CASR: variants seen among roughly 807,000 people sequenced by gnomAD.
The protein encoded by CASR is extracellular calcium-sensing receptor.
A neutral mutation model predicts 69.1 loss-of-function variants in CASR; 23 were observed. The ratio of observed to expected loss-of-function variants is 0.33; its 90% CI spans 0.24 to 0.47. The LOEUF is 0.47. CASR is among the 20% of genes least tolerant of loss of function. The probability of loss-of-function intolerance (pLI) is 1.00; values close to 1 mark genes in which losing one functional copy is unlikely to be tolerated. For synonymous variants in CASR, 541 were observed against 544.7 expected, an observed-to-expected ratio of 0.99 and a Z score of 0.10; for missense variants, 924 against 1,356.1, an observed-to-expected ratio of 0.68 and a Z score of 5.00.
chr3:122,252,459 G>GAAAAAAAAGAA (rs1423080314), intron 1 of CASR, among the ~76,000 whole-genome samples: 2 of 62,288 alleles, frequency 3.2e-5, no homozygotes, highest in African/African-American at 1.4e-4. Flanking sequence ...AAAAAGAAAA[G>GAAAAAAAAGAA]AAAGAAAAGA....
At position 122,283,699 on chromosome 3, in the gene CASR, G is replaced by A. The variant is rs104893690; in HGVS notation, c.1745G>A (p.Cys582Tyr). ...EYSDETDASA[C>Y]NKCPDDFWSN... ...GGACATTTTACAGATGCCAGTGCCT[G>A]TAACAAGTGCCCAGATGACTTCTGG... Residue 582 changes from cysteine (C) to tyrosine (Y), a missense_variant, in exon 7 of 7, where the codon TGT becomes TAT. Physicochemically the swap from Cys to Tyr is radical, Grantham distance 194. Around this residue, in one of 8 missense-constraint regions of CASR, gnomAD observed 18 missense variants for 57.9 expected, o/e 0.31. Coordinates refer to ENST00000639785, the MANE Select transcript of CASR (RefSeq NM_000388.4). 6.2e-7 allele frequency: 1 copy of A among 1,613,976 alleles called. No homozygotes were observed. The highest frequency in any genetic ancestry group is 8.5e-7 in the Non-Finnish European group (1 of 1,179,872).
At chr3:122,257,467 A>G in intron 3 of CASR, 80 bp downstream of exon 3, 1 of 995,930 alleles carries the variant, frequency 1.0e-6, no homozygotes, top group Non-Finnish European at 1.6e-6. Flanking sequence ...CAATAGCCAT[A>G]CGGTTTACCA....
At chr3:122,194,376 C>T (rs1005785275) in intron 1 of CASR, among the ~76,000 whole-genome samples, 1 of 152,058 alleles carries the variant, frequency 6.6e-6, no homozygotes, top group Non-Finnish European at 1.5e-5. Context: ...ATCTCTGGGT[C>T]CCCCTTGGAA....
At chr3:122,242,963 A>G (rs932735140) in intron 1 of CASR, among the ~76,000 whole-genome samples, 1 of 152,114 alleles carries the variant, frequency 6.6e-6, no homozygotes, top group Admixed American at 6.5e-5. Context: ...AGAAAATTGG[A>G]TATCCAAATG....
chr3:122,184,783 A>G (rs1248418807), intron 1 of CASR, among the ~76,000 whole-genome samples: 1 of 152,226 alleles, frequency 6.6e-6, no homozygotes, highest in South Asian at 2.1e-4. Context: ...AATGAACGGG[A>G]GCGCGCACCA....
chr3:122,267,205 C>T (rs974249011), intron 4 of CASR, among the ~76,000 whole-genome samples: 3 of 152,178 alleles, frequency 2.0e-5, no homozygotes, highest in South Asian at 4.1e-4. Context: ...GAAAATAAAA[C>T]GCCCAAATGC....
At chr3:122,228,221 T>C (rs546104552) in intron 1 of CASR, among the ~76,000 whole-genome samples, 2 of 152,358 alleles carry the variant, frequency 1.3e-5, no homozygotes, top group African/African-American at 4.8e-5. Context: ...TAATCTTTTC[T>C]TGGTCTAATA....
At chr3:122,251,651 G>C (rs987146341) in intron 1 of CASR, among the ~76,000 whole-genome samples, 4 of 152,246 alleles carry the variant, frequency 2.6e-5, no homozygotes, top group African/African-American at 9.6e-5. Context: ...TTAAAAGCCT[G>C]ATGTACTTGA....
chr3:122,204,259 G>A (rs1374563804), intron 1 of CASR, among the ~76,000 whole-genome samples: 2 of 152,072 alleles, frequency 1.3e-5, no homozygotes, highest in Non-Finnish European at 2.9e-5. Context: ...AGCCTCTGGT[G>A]ACCACTAGTC....
intron 4 of CASR, among the ~76,000 whole-genome samples, chr3:122,270,899 G>C (rs950039011): frequency 3.3e-5 from 5 of 152,084 alleles, no homozygotes; most frequent in African/African-American, 1.2e-4. Context: ...ATTGAAACTT[G>C]CTTTATAATC....
intron 1 of CASR, among the ~76,000 whole-genome samples, chr3:122,198,230 C>G (rs555900872): frequency 6.6e-6 from 1 of 152,270 alleles, no homozygotes; most frequent in South Asian, 2.1e-4. Flanking sequence ...TTCCACCTCT[C>G]AGAATAAATG....
At chr3:122,283,383 G>A (rs1485442807) in intron 6 of CASR, among the ~76,000 whole-genome samples, 3 of 152,202 alleles carry the variant, frequency 2.0e-5, no homozygotes, top group Admixed American at 6.5e-5. Context: ...TGTCCAGCAA[G>A]GTTGATCATT....
chr3:122,277,496 A>G (rs1384110336), intron 5 of CASR, among the ~76,000 whole-genome samples: 1 of 152,228 alleles, frequency 6.6e-6, no homozygotes, highest in East Asian at 1.9e-4. Flanking sequence ...TCCCATAGAC[A>G]GTGAATCTCA....
At chr3:122,195,440 G>A (rs766023980) in intron 1 of CASR, among the ~76,000 whole-genome samples, 1 of 152,132 alleles carries the variant, frequency 6.6e-6, no homozygotes, top group Non-Finnish European at 1.5e-5. Flanking sequence ...GCTTTGTGGT[G>A]TTCTTGATGG....
At chr3:122,224,591 C>T (rs1472545161) in intron 1 of CASR, among the ~76,000 whole-genome samples, 1 of 152,130 alleles carries the variant, frequency 6.6e-6, no homozygotes, top group Non-Finnish European at 1.5e-5. Context: ...CAGGAAGCAT[C>T]AATATCATTA....
chr3:122,280,604 C>T (rs2074876944), intron 5 of CASR, among the ~76,000 whole-genome samples: 1 of 152,200 alleles, frequency 6.6e-6, no homozygotes, highest in Admixed American at 6.5e-5. Context: ...CCTTCCCTTC[C>T]CTGGGTCATG....
chr3:122,196,602 A>G (rs2073893681), intron 1 of CASR, among the ~76,000 whole-genome samples: 1 of 151,916 alleles, frequency 6.6e-6, no homozygotes, highest in African/African-American at 2.4e-5. Context: ...CGGTGGTGAA[A>G]TCACAGCTCA....
At chr3:122,241,541 G>C (rs1383293163) in intron 1 of CASR, among the ~76,000 whole-genome samples, 2 of 151,884 alleles carry the variant, frequency 1.3e-5, no homozygotes, top group Non-Finnish European at 2.9e-5. Context: ...ACAATAAAAA[G>C]TCTCCTAGTA....
Position 122,287,989 on chromosome 3 carries a change from A to G in CASR, c.*2798A>G, listed in dbSNP as rs2074984383. 6.6e-6 allele frequency: 1 copy of G among 152,272 alleles called. No homozygotes were observed. Among genetic ancestry groups the G allele is most frequent in the Non-Finnish European group, 1.5e-5 (1 of 68,056 alleles). 9.4% of individuals were successfully genotyped at this position (152,272 alleles called of 1,614,324 possible). ...GTGGGCAAATAATGGTCACCCAAAG[A>G]TGCCCACATCCTCATCTCTAGAACC... On this transcript the variant is annotated 3_prime_UTR_variant, in exon 7 of 7. Coordinates refer to ENST00000639785, the MANE Select transcript of CASR (RefSeq NM_000388.4).
Sources: gnomAD v4.1 joint callset for allele counts (sites outside exome capture counted in the v4.1 genomes callset) on GRCh38, gnomAD v4.1.1 for gene constraint, gnomAD v4.1.1 regional missense constraint, MANE v1.5 for transcripts, NCBI Gene and HGNC (gene_info 2026-07-23, HGNC 2026-07-21) for gene names.